The following GSKIP variants were observed in gnomAD, a reference collection of about 807,000 sequenced individuals.
GSKIP encodes the protein GSK3B-interacting protein.
GSKIP carries 5 observed loss-of-function variants against 11.9 expected under a neutral mutation model. The observed-to-expected ratio is 0.42, with a 90% CI of 0.22 to 0.89. The LOEUF is 0.89. Among genes scored for constraint, GSKIP ranks in the 40% least tolerant of loss-of-function variants. The pLI is 0.29. For missense variants in GSKIP, 150 were observed against 166.6 expected (o/e 0.90, Z 0.55); for synonymous variants, 70 against 62.9 (o/e 1.11, Z -0.54).
At chr14:96,371,949 C>G (rs1367912440) in intron 1 of GSKIP, among the ~76,000 whole-genome samples, 1 of 152,068 alleles carries the variant, frequency 6.6e-6, no homozygotes, top group African/African-American at 2.4e-5. Flanking sequence ...TAGGGCTATA[C>G]TTCTAAAACG....
chr14:96,370,512 G>A lies in GSKIP; in HGVS notation c.-103+6944G>A, dbSNP rs186101618. On this transcript the variant is annotated intron_variant, in intron 1 of 3. Transcript: ENST00000555181. ...GGGGCGGGGTAGGGTTGGGGGGCCAGTTTGAGGTGGGAGAGGTGTGGATCT... is the reference window on the plus strand; with the variant it reads ...GGGGCGGGGTAGGGTTGGGGGGCCAATTTGAGGTGGGAGAGGTGTGGATCT... Among the ~76,000 whole-genome samples, 787 of 152,278 alleles carry A rather than the reference G, an allele frequency of 5.2e-3. 3 individuals carry two copies. The highest frequency in any genetic ancestry group is 8.4e-3 in the Non-Finnish European group (574 of 68,016).
intron 1 of GSKIP, among the ~76,000 whole-genome samples, chr14:96,374,084 A>G (rs61985210): frequency 0.33 from 49,651 of 151,950 alleles, 8,797 homozygotes; most frequent in African/African-American, 0.46. Flanking sequence ...AACACTTATT[A>G]TGGCTGTATT....
chr14:96,374,440 G>GA (rs1889141815), intron 1 of GSKIP, among the ~76,000 whole-genome samples: 1 of 152,110 alleles, frequency 6.6e-6, no homozygotes, highest in African/African-American at 2.4e-5. Context: ...AAAGAAGCAT[G>GA]AAAAAACTAC....
chr14:96,373,163 C>T (rs530798509), intron 1 of GSKIP, among the ~76,000 whole-genome samples: 2 of 143,202 alleles, frequency 1.4e-5, no homozygotes, highest in Admixed American at 1.5e-4. Context: ...CCAGAAGGCC[C>T]GGATTGCAGT....
intron 1 of GSKIP, among the ~76,000 whole-genome samples, chr14:96,367,623 T>G (rs1888924329): frequency 6.6e-6 from 1 of 152,200 alleles, no homozygotes; most frequent in Non-Finnish European, 1.5e-5. Context: ...TCTTTGATGC[T>G]CTGAACTCGT....
chr14:96,386,822 G>A lies in GSKIP; in HGVS notation c.*1138G>A, dbSNP rs1244698908. 1 of 152,648 alleles carries A rather than the reference G, an allele frequency of 6.6e-6. No individual in the cohort carries two copies. The highest frequency in any genetic ancestry group is 1.5e-5 in the Non-Finnish European group (1 of 68,034). 9.5% of individuals were successfully genotyped at this position (152,648 alleles called of 1,614,324 possible). Reference sequence around the variant, plus strand: ...GTACCATGCTGCTGCATGTTTTCAAGTACATGTTGAACAGTAAGGATTGGG... The same window carrying A: ...GTACCATGCTGCTGCATGTTTTCAAATACATGTTGAACAGTAAGGATTGGG... On this transcript the variant is annotated 3_prime_UTR_variant, in exon 4 of 4. Transcript: ENST00000555181.
In GSKIP at chr14:96,385,701, C is replaced by G; in HGVS notation, c.*17C>G. 6.3e-7 allele frequency: 1 copy of G among 1,598,192 alleles called. No homozygotes were observed. Among genetic ancestry groups the G allele is most frequent in the South Asian group, 1.1e-5 (1 of 89,858 alleles). ...CAGTCATGACTACACTTTTTCCTTT[C>G]AGAGGGGCTGGTGCTGGTACAGAAT... On this transcript the variant is annotated 3_prime_UTR_variant, in exon 4 of 4. Coordinates refer to ENST00000555181, the MANE Select transcript of GSKIP (RefSeq NM_016472.5).
chr14:96,378,391 T>C (rs1889258748), intron 1 of GSKIP, among the ~76,000 whole-genome samples: 1 of 152,138 alleles, frequency 6.6e-6, no homozygotes, highest in African/African-American at 2.4e-5. Context: ...AATGTTTTTA[T>C]TATGTTAAAG....
At position 96,385,537 on chromosome 14, in the gene GSKIP, T is replaced by G. The variant is rs1452369494; in HGVS notation, c.273T>G (p.Ala91=). 6.2e-7 allele frequency: 1 copy of G among 1,611,550 alleles called. No homozygotes were observed. The highest frequency in any genetic ancestry group is 2.2e-5 in the East Asian group (1 of 44,844). ...TTCTCTTGTAGGTGGTAGGCTATGC[T>G]TTTGACCAGGTAGATGATCATTTAC... ...TEAGLKVVGY[A]FDQVDDHLQT... The change falls in exon 4 of 4, where the codon GCT becomes GCG. Residue 91 remains alanine (A), a synonymous_variant. Transcript: ENST00000555181.
intron 1 of GSKIP, among the ~76,000 whole-genome samples, chr14:96,375,653 C>T (rs565319962): frequency 3.9e-5 from 6 of 152,184 alleles, no homozygotes; most frequent in Non-Finnish European, 5.9e-5. Context: ...AGGCTGGTCT[C>T]GAACTCCTGA....
chr14:96,384,553 T>C (rs1273593953), intron 3 of GSKIP: 2 of 151,802 alleles, frequency 1.3e-5, no homozygotes, highest in Non-Finnish European at 2.9e-5. Flanking sequence ...TGAACCATGA[T>C]ATACCTTATA....
intron 1 of GSKIP, 93 bp from the exon 2 acceptor site, chr14:96,379,595 C>T (rs987730181): frequency 1.3e-5 from 2 of 152,218 alleles, no homozygotes; most frequent in Admixed American, 1.3e-4. Flanking sequence ...TATGTATCAT[C>T]AAAAGTTCTA....
intron 1 of GSKIP, among the ~76,000 whole-genome samples, chr14:96,374,966 CTT>C (rs1276996747): frequency 6.6e-6 from 1 of 152,048 alleles, no homozygotes; most frequent in African/African-American, 2.4e-5. Flanking sequence ...ATAATTGACT[CTT>C]TAAAGCAAGA....
At chr14:96,382,173 A>G (rs1338137446) in intron 2 of GSKIP, 74 bp from the exon 3 acceptor site, 1 of 1,060,218 alleles carries the variant, frequency 9.4e-7, no homozygotes, top group Non-Finnish European at 1.3e-6. Flanking sequence ...GGCATAGCTA[A>G]TTTTAATCAA....
At chr14:96,366,945 C>T (rs2139926363) in intron 1 of GSKIP, among the ~76,000 whole-genome samples, 1 of 152,214 alleles carries the variant, frequency 6.6e-6, no homozygotes, top group East Asian at 1.9e-4. Context: ...ATGACTTGCA[C>T]CTGAGGTAAC....
chr14:96,371,592 G>A (rs1015743091), intron 1 of GSKIP, among the ~76,000 whole-genome samples: 6 of 151,896 alleles, frequency 4.0e-5, no homozygotes, highest in African/African-American at 7.3e-5. Context: ...TTATAGGCAC[G>A]TGCCACCACA....
chr14:96,382,593 TAAAAG>T (rs1166274666), intron 3 of GSKIP, 88 bp downstream of exon 3: 26 of 920,326 alleles, frequency 2.8e-5, no homozygotes, highest in Non-Finnish European at 3.6e-5. Context: ...GGAAGAGTGT[TAAAAG>T]AGAACTGGAT....
chr14:96,377,364 A>G (rs998238978), intron 1 of GSKIP, among the ~76,000 whole-genome samples: 6 of 152,208 alleles, frequency 3.9e-5, no homozygotes, highest in Admixed American at 3.3e-4. Flanking sequence ...TGAGTCAACC[A>G]TTCTGGTAAC....
At chr14:96,364,199 T>G (rs1888794401) in intron 1 of GSKIP, 1 of 151,958 alleles carries the variant, frequency 6.6e-6, no homozygotes, top group Non-Finnish European at 1.5e-5. Context: ...AGCCGGCTGT[T>G]AAGTTAAGTC....
Sources: allele counts gnomAD v4.1 joint callset (sites outside exome capture counted in the v4.1 genomes callset), GRCh38; gene constraint gnomAD v4.1.1; transcripts MANE v1.5; gene names NCBI Gene and HGNC (gene_info 2026-07-23, HGNC 2026-07-21).